The following GALNT10 variants were observed in gnomAD, a reference collection of about 807,000 sequenced individuals.
The protein encoded by GALNT10 is GalNAc transferase 10.
In GALNT10, 41 loss-of-function variants were observed where a neutral mutation model predicts 75.0. The ratio of observed to expected loss-of-function variants is 0.55; its 90% CI spans 0.43 to 0.71. The LOEUF (loss-of-function observed/expected upper bound fraction) is 0.71. Among genes scored for constraint, GALNT10 ranks in the 30% least tolerant of loss-of-function variants. The pLI is 0.00. For missense variants in GALNT10, 727 were observed against 818.5 expected, an observed-to-expected ratio of 0.89 and a Z score of 1.36; for synonymous variants, 302 against 313.0, an observed-to-expected ratio of 0.96 and a Z score of 0.37.
chr5:154,344,123 C>T (rs73807624), intron 4 of GALNT10, among the ~76,000 whole-genome samples: 1,998 of 152,170 alleles, frequency 0.013, 42 homozygotes, highest in African/African-American at 0.046. Context: ...CTTCCCATGG[C>T]TCCCTCCAGG....
chr5:154,363,991 C>G (rs1755436446), intron 4 of GALNT10, among the ~76,000 whole-genome samples: 1 of 152,186 alleles, frequency 6.6e-6, no homozygotes, highest in Non-Finnish European at 1.5e-5. Flanking sequence ...TGAGGAAAAT[C>G]AATCACTCTG....
At chr5:154,282,119 A>T (rs1754046970) in intron 1 of GALNT10, among the ~76,000 whole-genome samples, 1 of 152,226 alleles carries the variant, frequency 6.6e-6, no homozygotes, top group South Asian at 2.1e-4. Context: ...TTGCTGCGAT[A>T]TAAGGTGGTA....
chr5:154,271,793 T>G (rs761187848), intron 1 of GALNT10, among the ~76,000 whole-genome samples: 1 of 152,206 alleles, frequency 6.6e-6, no homozygotes, highest in Non-Finnish European at 1.5e-5. Context: ...ACGCTGAGGT[T>G]CAGGTCATCC....
intron 1 of GALNT10, among the ~76,000 whole-genome samples, chr5:154,220,676 C>T (rs1405631629): frequency 6.6e-6 from 1 of 152,164 alleles, no homozygotes; most frequent in African/African-American, 2.4e-5. Flanking sequence ...AAGGGAGTTC[C>T]CACAGCAAGA....
In GALNT10 at chr5:154,336,519, T is replaced by C. The variant is rs535121525; in HGVS notation, c.568+6781T>C. ...TTTGATATTGTCAGTGTTTTGGATT[T>C]TGTCAATAGCTGCTTAGTGGTCTCT... On this transcript the variant is annotated intron_variant, in intron 4 of 11. Coordinates refer to ENST00000297107, the MANE Select transcript of GALNT10 (RefSeq NM_198321.4). Among the ~76,000 whole-genome samples, 4 of 152,378 alleles carry C rather than the reference T, an allele frequency of 2.6e-5. No homozygotes were observed. The South Asian group carries it at 6.2e-4, about 24-fold the overall frequency.
intron 1 of GALNT10, among the ~76,000 whole-genome samples, chr5:154,228,207 C>G (rs1030330590): frequency 3.3e-5 from 5 of 152,126 alleles, no homozygotes; most frequent in African/African-American, 1.2e-4. Context: ...TATAAATTAC[C>G]CAGTCTCAAG....
At chr5:154,218,050 G>A (rs1349018797) in intron 1 of GALNT10, 2 of 984,950 alleles carry the variant, frequency 2.0e-6, no homozygotes, top group African/African-American at 1.7e-5. Flanking sequence ...ACCCCAGCCT[G>A]GGCACTGCTG....
At chr5:154,386,621 G>GGGGGGCCTGGC in intron 7 of GALNT10, 191 bp downstream of exon 7, 1 of 387,274 alleles carries the variant, frequency 2.6e-6, no homozygotes, top group Non-Finnish European at 5.0e-6. Context: ...GTGTGGGAGG[G>GGGGGGCCTGGC]AAGGGGAGTA....
chr5:154,343,773 G>C (rs1755076573), intron 4 of GALNT10, among the ~76,000 whole-genome samples: 1 of 152,114 alleles, frequency 6.6e-6, no homozygotes, highest in African/African-American at 2.4e-5. Context: ...TCCAGCATGT[G>C]GCCCTTCTTG....
At chr5:154,343,362 G>A (rs1032154943) in intron 4 of GALNT10, among the ~76,000 whole-genome samples, 9 of 152,106 alleles carry the variant, frequency 5.9e-5, no homozygotes, top group African/African-American at 1.4e-4. Flanking sequence ...AAAGCCCCAC[G>A]GCAGAGACAC....
In GALNT10 at chr5:154,326,155, G is replaced by C. The variant is rs1385940150; in HGVS notation, c.402-3417G>C. On this transcript the variant is annotated intron_variant, in intron 3 of 11. Coordinates refer to ENST00000297107, the MANE Select transcript of GALNT10 (RefSeq NM_198321.4). ...TGTACAAATGGCCAATAGGCATATGGAAAGATACTCAACATCATTAGTCAT... is the reference window on the plus strand; with the variant it reads ...TGTACAAATGGCCAATAGGCATATGCAAAGATACTCAACATCATTAGTCAT... Among the ~76,000 whole-genome samples, 8 of 151,828 alleles carry C rather than the reference G, an allele frequency of 5.3e-5. No homozygotes were observed. In the East Asian group the frequency reaches 1.6e-3, roughly 29 times the overall value.
At chr5:154,357,586 A>G (rs1416292953) in intron 4 of GALNT10, among the ~76,000 whole-genome samples, 2 of 152,160 alleles carry the variant, frequency 1.3e-5, no homozygotes, top group African/African-American at 2.4e-5. Context: ...TTGGCCTTCA[A>G]AATAATTTTT....
intron 4 of GALNT10, among the ~76,000 whole-genome samples, chr5:154,371,563 T>TACAC (rs796318005): frequency 2.5e-4 from 13 of 51,022 alleles, no homozygotes; most frequent in African/African-American, 5.1e-4. Flanking sequence ...TGTGTGTGTG[T>TACAC]ACACACACAC....
chr5:154,287,881 A>T (rs1754134601), intron 1 of GALNT10, among the ~76,000 whole-genome samples: 1 of 148,044 alleles, frequency 6.8e-6, no homozygotes, highest in Admixed American at 7.1e-5. Context: ...TCTTGAAGAA[A>T]TTGCTTTGCT....
chr5:154,242,818 T>C (rs1046513084), intron 1 of GALNT10, among the ~76,000 whole-genome samples: 13 of 152,242 alleles, frequency 8.5e-5, no homozygotes, highest in African/African-American at 7.2e-5. Context: ...TTCCTTTTCA[T>C]TGGTCTCCTT....
At chr5:154,326,279 T>C (rs189743257) in intron 3 of GALNT10, among the ~76,000 whole-genome samples, 285 of 152,278 alleles carry the variant, frequency 1.9e-3, no homozygotes, top group Admixed American at 3.2e-3. Flanking sequence ...AAACTGGAAA[T>C]CTCATTTCAC....
chr5:154,284,458 G>A (rs1754084916), intron 1 of GALNT10, among the ~76,000 whole-genome samples: 1 of 152,200 alleles, frequency 6.6e-6, no homozygotes, highest in Non-Finnish European at 1.5e-5. Flanking sequence ...AATAGGATGT[G>A]TTTGCAGTCA....
chr5:154,223,704 G>A (rs938258003), intron 1 of GALNT10, among the ~76,000 whole-genome samples: 2 of 151,990 alleles, frequency 1.3e-5, no homozygotes, highest in Non-Finnish European at 2.9e-5. Flanking sequence ...TGGATCACCT[G>A]AGGTTAGGAA....
intron 1 of GALNT10, among the ~76,000 whole-genome samples, chr5:154,271,578 C>G (rs1246574863): frequency 6.6e-6 from 1 of 152,226 alleles, no homozygotes; most frequent in Non-Finnish European, 1.5e-5. Flanking sequence ...GTCTGTCTGT[C>G]TGTCCTTCTC....
Sources: allele counts gnomAD v4.1 joint callset (sites outside exome capture counted in the v4.1 genomes callset), GRCh38; gene constraint gnomAD v4.1.1; transcripts MANE v1.5; gene names NCBI Gene and HGNC (gene_info 2026-07-23, HGNC 2026-07-21).